PIP5K1B: variants seen among roughly 807,000 people sequenced by gnomAD.
The protein encoded by PIP5K1B is phosphatidylinositol-4-phosphate 5-kinase type 1 beta, also known as phosphatidylinositol 4-phosphate 5-kinase type-1 beta.
In PIP5K1B, 42 loss-of-function variants were observed where a neutral mutation model predicts 67.0. The ratio of observed to expected loss-of-function variants is 0.63; its 90% CI spans 0.49 to 0.81. The LOEUF (loss-of-function observed/expected upper bound fraction) is 0.81. Ranked by LOEUF, PIP5K1B falls within the 30% of genes least tolerant of loss-of-function variation. The pLI is 0.00. For missense variants in PIP5K1B, 459 were observed against 646.3 expected (o/e 0.71, Z 3.14); for synonymous variants, 214 against 231.4 (o/e 0.92, Z 0.68).
At chr9:68,935,546 A>G (rs1022463452) in intron 13 of PIP5K1B, among the ~76,000 whole-genome samples, 3 of 152,206 alleles carry the variant, frequency 2.0e-5, no homozygotes, top group Non-Finnish European at 4.4e-5. Context: ...AAAAAATACA[A>G]TTTATGGTTT....
chr9:68,832,935 T>A (rs1357615768), intron 4 of PIP5K1B, among the ~76,000 whole-genome samples: 2 of 152,250 alleles, frequency 1.3e-5, no homozygotes, highest in Non-Finnish European at 1.5e-5. Flanking sequence ...TAAGTTTTCA[T>A]ATTGTGACCT....
intron 2 of PIP5K1B, among the ~76,000 whole-genome samples, chr9:68,751,734 T>C (rs990497025): frequency 2.1e-4 from 32 of 152,192 alleles, no homozygotes; most frequent in Non-Finnish European, 4.7e-4. Context: ...ATGGGCTTCA[T>C]TGGGAAATGG....
intron 15 of PIP5K1B, among the ~76,000 whole-genome samples, chr9:69,000,373 T>A (rs1830769895): frequency 6.6e-6 from 1 of 152,202 alleles, no homozygotes; most frequent in African/African-American, 2.4e-5. Context: ...GTGGGGTTTT[T>A]TTAAAGACTT....
intron 14 of PIP5K1B, among the ~76,000 whole-genome samples, chr9:68,979,752 T>C (rs1022465513): frequency 1.6e-4 from 25 of 152,218 alleles, no homozygotes; most frequent in Non-Finnish European, 3.2e-4. Context: ...GCAGGCTTCC[T>C]GCTTCTGGTG....
At chr9:68,833,978 A>G (rs560503983) in intron 4 of PIP5K1B, among the ~76,000 whole-genome samples, 2 of 152,372 alleles carry the variant, frequency 1.3e-5, no homozygotes, top group South Asian at 4.1e-4. Context: ...TTGCAGATGC[A>G]TAGGCATTGG....
intron 2 of PIP5K1B, among the ~76,000 whole-genome samples, chr9:68,743,681 C>G (rs1829130386): frequency 6.6e-6 from 1 of 152,292 alleles, no homozygotes; most frequent in East Asian, 1.9e-4. Context: ...TGGCTGTTGA[C>G]TTTTCACATT....
At chr9:68,781,978 G>A (rs1186342319) in intron 2 of PIP5K1B, 1 of 167,008 alleles carries the variant, frequency 6.0e-6, no homozygotes, top group East Asian at 1.9e-4. Flanking sequence ...ATATTCAGTT[G>A]TGCCTCAGTT....
chr9:68,750,385 A>C (rs2132348038), intron 2 of PIP5K1B, among the ~76,000 whole-genome samples: 1 of 152,334 alleles, frequency 6.6e-6, no homozygotes, highest in Non-Finnish European at 1.5e-5. Context: ...CAACAAGCAA[A>C]ACCCTTCCAT....
intron 7 of PIP5K1B, among the ~76,000 whole-genome samples, chr9:68,893,791 A>G (rs1294646140): frequency 6.6e-6 from 1 of 152,378 alleles, no homozygotes; most frequent in Non-Finnish European, 1.5e-5. Context: ...GACTAAAAAT[A>G]CATAAGTAAT....
chr9:68,742,313 G>A (rs572289211), intron 1 of PIP5K1B, 188 bp from the exon 2 acceptor site: 1 of 152,156 alleles, frequency 6.6e-6, no homozygotes, highest in African/African-American at 2.4e-5. Flanking sequence ...GAGAGTTGTG[G>A]ACCAGTCAGA....
At chr9:68,718,702 A>G (rs1273129916) in intron 1 of PIP5K1B, among the ~76,000 whole-genome samples, 1 of 152,252 alleles carries the variant, frequency 6.6e-6, no homozygotes, top group Non-Finnish European at 1.5e-5. Flanking sequence ...AAGATTATAC[A>G]GAACAGAGTG....
intron 15 of PIP5K1B, among the ~76,000 whole-genome samples, chr9:68,992,135 TTG>T (rs1830405229): frequency 6.6e-6 from 1 of 152,060 alleles, no homozygotes; most frequent in African/African-American, 2.4e-5. Flanking sequence ...CTGGCTAATT[TTG>T]TATTTTTAGT....
chr9:68,877,938 A>G (rs1823983856), intron 6 of PIP5K1B, among the ~76,000 whole-genome samples: 1 of 149,434 alleles, frequency 6.7e-6, no homozygotes, highest in African/African-American at 2.5e-5. Flanking sequence ...TTCTCTCACC[A>G]CTCCCCTTTC....
chr9:68,990,649 T>TCTA (rs1830320858), intron 14 of PIP5K1B, among the ~76,000 whole-genome samples: 1 of 143,732 alleles, frequency 7.0e-6, no homozygotes, highest in Non-Finnish European at 1.5e-5. Flanking sequence ...AAAATGCACT[T>TCTA]CTAGTAAAAC....
At chr9:68,712,344 T>C (rs1383520643) in intron 1 of PIP5K1B, among the ~76,000 whole-genome samples, 2 of 152,190 alleles carry the variant, frequency 1.3e-5, no homozygotes, top group Admixed American at 6.5e-5. Flanking sequence ...TGAGCCAAAA[T>C]AAAACCTCTT....
intron 2 of PIP5K1B, among the ~76,000 whole-genome samples, chr9:68,803,444 A>G (rs1832711095): frequency 6.6e-6 from 1 of 152,218 alleles, no homozygotes; most frequent in Admixed American, 6.5e-5. Context: ...GAAACAGTCA[A>G]AAAAGGTGGA....
Position 68,917,743 on chromosome 9 carries a change from A to C in PIP5K1B, c.967A>C (p.Thr323Pro). The C allele has an allele frequency of 6.2e-7, 1 of 1,613,764 alleles. No individual in the cohort carries two copies. The highest frequency in any genetic ancestry group is 8.5e-7 in the Non-Finnish European group (1 of 1,179,700). The change falls in exon 9 of 16, where the codon ACA (threonine) becomes CCA (proline). Residue 323 changes from threonine to proline, a missense_variant. Physicochemically the swap from Thr to Pro is conservative, Grantham distance 38. This residue lies in a region of PIP5K1B where 290 missense variants were observed against 474.4 expected (regional missense o/e 0.61). Coordinates refer to ENST00000265382, the MANE Select transcript of PIP5K1B (RefSeq NM_003558.4). ...AGGGAAATCTGGAGATGGGATAATC[A>C]CAGAGAACCCAGACACGTAAGTGCA... is the stretch of plus-strand genomic sequence containing the variant. ...GPGKSGDGII[T>P]ENPDTMGGIP...
At chr9:68,823,790 G>A (rs936335621) in intron 4 of PIP5K1B, among the ~76,000 whole-genome samples, 1 of 152,178 alleles carries the variant, frequency 6.6e-6, no homozygotes, top group Non-Finnish European at 1.5e-5. Context: ...CAGCCTGCAA[G>A]ACGTTTAGTC....
In PIP5K1B at chr9:69,005,318, G is replaced by A. The variant is rs574257746; in HGVS notation, c.1621-3129G>A. 8.5e-5 allele frequency among the ~76,000 whole-genome samples: 13 copies of A among 152,158 alleles called. No homozygotes were observed. In the East Asian group the frequency reaches 1.4e-3, roughly 16 times the overall value. On this transcript the variant is annotated intron_variant, in intron 15 of 15. Transcript: ENST00000265382. ...ATTAAATTCTTTTCAGATCGTTCCCGTTGCATAAGTCACCAACTGTTTACA... is the reference window on the plus strand; with the variant it reads ...ATTAAATTCTTTTCAGATCGTTCCCATTGCATAAGTCACCAACTGTTTACA...
Sources: allele counts gnomAD v4.1 joint callset (sites outside exome capture counted in the v4.1 genomes callset), GRCh38; gene constraint gnomAD v4.1.1; regional missense constraint gnomAD v4.1.1; transcripts MANE v1.5; gene names NCBI Gene and HGNC (gene_info 2026-07-23, HGNC 2026-07-21).